COBL: variants seen among roughly 807,000 people sequenced by gnomAD.
COBL encodes cordon-bleu WH2 repeat protein, also known as protein cordon-bleu.
Under a neutral mutation model 98.8 loss-of-function variants are expected in COBL, and 51 were observed. The observed-to-expected ratio is 0.52, with a 90% CI of 0.41 to 0.65. COBL has a LOEUF of 0.65. Among genes scored for constraint, COBL ranks in the 30% least tolerant of loss-of-function variants. The pLI, the probability that COBL is intolerant of heterozygous loss-of-function variation, is 0.00. For missense variants in COBL, 1,617 were observed against 1,617.5 expected, an observed-to-expected ratio of 1.00 and a Z score of 0.01; for synonymous variants, 634 against 651.7, an observed-to-expected ratio of 0.97 and a Z score of 0.41.
At chr7:51,204,578 A>G (rs1248772118) in intron 2 of COBL, among the ~76,000 whole-genome samples, 1 of 149,498 alleles carries the variant, frequency 6.7e-6, no homozygotes, top group Non-Finnish European at 1.5e-5. Context: ...TTTAAGACAG[A>G]GTCTCACTCT....
At position 51,136,292 on chromosome 7, in the gene COBL, G is replaced by A. The variant is rs748794250; in HGVS notation, c.823C>T (p.Arg275Cys). The change falls in exon 6 of 13, where the codon CGT (arginine) becomes TGT (cysteine). Residue 275 changes from arginine (R) to cysteine (C), a missense_variant. This residue lies in a region of COBL where 1,304 missense variants were observed against 1,282.0 expected (regional missense o/e 1.02). Transcript: ENST00000265136. ...AGGGATGGACCCAGCGTAAGAGAAC[G>A]TGAGTGCATGGATGGGGAGTTGGGG... ...TTPNSPSMHS[R>C]SLTLGPSLSL... 1.3e-5 allele frequency: 21 copies of A among 1,613,966 alleles called. No homozygotes were observed. Among genetic ancestry groups the A allele is most frequent in the South Asian group, 3.3e-5 (3 of 91,064 alleles).
intron 3 of COBL, among the ~76,000 whole-genome samples, chr7:51,191,659 C>A (rs973191981): frequency 2.0e-5 from 3 of 151,796 alleles, no homozygotes; most frequent in South Asian, 2.1e-4. Flanking sequence ...ACTACACACA[C>A]GTATTTAAGC....
intron 5 of COBL, among the ~76,000 whole-genome samples, chr7:51,162,193 G>A (rs1314327425): frequency 6.6e-6 from 1 of 152,144 alleles, no homozygotes; most frequent in East Asian, 1.9e-4. Context: ...AGCTACACAG[G>A]CTGAGTTTGA....
chr7:51,091,489 A>C (rs1794805323), intron 6 of COBL, among the ~76,000 whole-genome samples: 8 of 152,174 alleles, frequency 5.3e-5, no homozygotes, highest in Admixed American at 5.2e-4. Flanking sequence ...AAAGGAATAA[A>C]AAAAAATTCA....
chr7:51,023,111 G>A (rs1202264665), intron 12 of COBL: 4 of 152,102 alleles, frequency 2.6e-5, no homozygotes, highest in Non-Finnish European at 4.4e-5. Flanking sequence ...ATGTGTGTGG[G>A]GCAGACAGGA....
At chr7:51,116,859 T>G (rs1412725121) in intron 6 of COBL, among the ~76,000 whole-genome samples, 2 of 152,182 alleles carry the variant, frequency 1.3e-5, no homozygotes, top group Non-Finnish European at 1.5e-5. Flanking sequence ...TTTTGTCTCT[T>G]CAGCACTTTA....
chr7:51,092,175 A>C (rs926017283), intron 6 of COBL, among the ~76,000 whole-genome samples: 2 of 152,182 alleles, frequency 1.3e-5, no homozygotes, highest in Non-Finnish European at 2.9e-5. Flanking sequence ...ATGGGAATCT[A>C]ATGTCTGATG....
chr7:51,219,900 G>T lies in COBL; in HGVS notation c.86C>A (p.Ala29Asp). ...ARAPPPPGKA[A>D]TLHVHSDQKP... ...CTGGTCACTGTGCACATGCAGAGTG[G>T]CAGCCTTTCCAGGAGGTGGGGGAGC... The change falls in exon 2 of 13, where the codon GCC (alanine) becomes GAC (aspartate). Residue 29 changes from alanine to aspartate, a missense_variant. Physicochemically the swap from Ala to Asp is moderately radical, Grantham distance 126. Coordinates refer to ENST00000265136, the MANE Select transcript of COBL (RefSeq NM_015198.5). 1 of 1,612,324 alleles carries T rather than the reference G, an allele frequency of 6.2e-7. No homozygotes were observed. Among genetic ancestry groups the T allele is most frequent in the Non-Finnish European group, 8.5e-7 (1 of 1,179,960 alleles).
At chr7:51,125,140 C>A (rs1405345482) in intron 6 of COBL, among the ~76,000 whole-genome samples, 3 of 152,106 alleles carry the variant, frequency 2.0e-5, no homozygotes, top group Admixed American at 6.5e-5. Context: ...TGTGTTGAAG[C>A]CCTAATCCCC....
intron 7 of COBL, among the ~76,000 whole-genome samples, chr7:51,074,191 ATTTTTTTT>A (rs369421469): frequency 5.0e-5 from 5 of 100,498 alleles, no homozygotes; most frequent in African/African-American, 1.6e-4. Flanking sequence ...CAAGGTAATG[ATTTTTTTT>A]TTTTTTTTTT....
At chr7:51,201,919 AT>A (rs1278200398) in intron 2 of COBL, among the ~76,000 whole-genome samples, 1 of 152,230 alleles carries the variant, frequency 6.6e-6, no homozygotes, top group Non-Finnish European at 1.5e-5. Flanking sequence ...CACAAATTTA[AT>A]CAGTGTGATG....
Position 51,016,633 on chromosome 7 carries a change from C to A in COBL, c.*918G>T, listed in dbSNP as rs1026353710. 1 of 273,972 alleles carries A rather than the reference C, an allele frequency of 3.7e-6. No individual in the cohort carries two copies. The highest frequency in any genetic ancestry group is 6.8e-6 in the Non-Finnish European group (1 of 147,296). 17.0% of individuals were successfully genotyped at this position (273,972 alleles called of 1,614,324 possible). A position where few individuals can be genotyped will look rare whatever the true frequency, so the allele number is the denominator to read the frequency against. ...TGAACCAAAATTGTGATGCTCTCAG[C>A]GCAACTTTGATCTGAACTCTTGACA... On this transcript the variant is annotated 3_prime_UTR_variant, in exon 13 of 13. Coordinates refer to ENST00000265136, the MANE Select transcript of COBL (RefSeq NM_015198.5).
intron 4 of COBL, 69 bp downstream of exon 4, chr7:51,190,780 AC>A: frequency 7.8e-7 from 1 of 1,279,666 alleles, no homozygotes; most frequent in Non-Finnish European, 1.1e-6. Context: ...GGGAGAGCCA[AC>A]AGGGGACATG....
intron 7 of COBL, among the ~76,000 whole-genome samples, chr7:51,061,140 T>C (rs571320557): frequency 1.3e-5 from 2 of 152,256 alleles, no homozygotes; most frequent in African/African-American, 4.8e-5. Context: ...GTAGAAGACA[T>C]TATAAATACC....
At chr7:51,095,503 T>C (rs1795192597) in intron 6 of COBL, among the ~76,000 whole-genome samples, 1 of 152,094 alleles carries the variant, frequency 6.6e-6, no homozygotes, top group Non-Finnish European at 1.5e-5. Flanking sequence ...ATTAACAAAA[T>C]AGTAACAAGT....
intron 1 of COBL, among the ~76,000 whole-genome samples, chr7:51,222,651 C>T (rs762584067): frequency 3.3e-5 from 5 of 152,046 alleles, no homozygotes; most frequent in Non-Finnish European, 7.4e-5. Context: ...ATTAACCACC[C>T]TTTGGTCTAG....
At chr7:51,270,792 T>C (rs932957711) in intron 1 of COBL, among the ~76,000 whole-genome samples, 1 of 151,842 alleles carries the variant, frequency 6.6e-6, no homozygotes, top group Non-Finnish European at 1.5e-5. Context: ...ATAATTACTA[T>C]GTGCCTAAAA....
At chr7:51,055,810 C>T (rs1790692976) in intron 7 of COBL, among the ~76,000 whole-genome samples, 1 of 152,196 alleles carries the variant, frequency 6.6e-6, no homozygotes, top group Non-Finnish European at 1.5e-5. Flanking sequence ...ATGTAGCTTT[C>T]TGTTGTCATC....
In COBL at chr7:51,047,206, C is replaced by T. The variant is rs531675436; in HGVS notation, c.1097-3514G>A. Among the ~76,000 whole-genome samples, 27 of 152,322 alleles carry T rather than the reference C, an allele frequency of 1.8e-4. No individual in the cohort carries two copies. In the South Asian group the frequency reaches 1.9e-3, roughly 11 times the overall value. ...ATTTTTGCAAATGTGAAAAAGCACACTTACTTTGTCTTTCGCAGAAGCCTA... is the reference window on the plus strand; with the variant it reads ...ATTTTTGCAAATGTGAAAAAGCACATTTACTTTGTCTTTCGCAGAAGCCTA... On this transcript the variant is annotated intron_variant, in intron 7 of 12. Coordinates refer to ENST00000265136, the MANE Select transcript of COBL (RefSeq NM_015198.5).
Sources: allele counts gnomAD v4.1 joint callset (sites outside exome capture counted in the v4.1 genomes callset), GRCh38; gene constraint gnomAD v4.1.1; regional missense constraint gnomAD v4.1.1; transcripts MANE v1.5; gene names NCBI Gene and HGNC (gene_info 2026-07-23, HGNC 2026-07-21).